SRGAP3: variants seen among roughly 807,000 people sequenced by gnomAD.
The protein encoded by SRGAP3 is SLIT-ROBO Rho GTPase activating protein 3, also known as SLIT-ROBO Rho GTPase-activating protein 3.
Under a neutral mutation model 121.1 loss-of-function variants are expected in SRGAP3, and 39 were observed. The observed-to-expected ratio is 0.32, with a 90% CI of 0.25 to 0.42. SRGAP3 has a LOEUF of 0.42. Ranked by LOEUF, SRGAP3 falls within the 10% of genes least tolerant of loss-of-function variation. SRGAP3 has a pLI of 1.00. For missense variants in SRGAP3, 1,213 were observed against 1,470.6 expected, an observed-to-expected ratio of 0.82 and a Z score of 2.86; for synonymous variants, 601 against 570.0, an observed-to-expected ratio of 1.05 and a Z score of -0.77.
chr3:9,037,351 C>T (rs1944796700), intron 11 of SRGAP3: 1 of 152,410 alleles, frequency 6.6e-6, no homozygotes, highest in Non-Finnish European at 1.5e-5. Flanking sequence ...GACAGAGCCA[C>T]TTATGGATCT....
At chr3:9,047,352 A>G (rs1409212730) in intron 10 of SRGAP3, 39 bp downstream of exon 10, 1 of 1,603,810 alleles carries the variant, frequency 6.2e-7, no homozygotes. Flanking sequence ...CCAGTGGGGA[A>G]CGCAGCACCT....
chr3:9,186,094 C>A (rs910321553), intron 1 of SRGAP3, among the ~76,000 whole-genome samples: 1 of 152,192 alleles, frequency 6.6e-6, no homozygotes, highest in African/African-American at 2.4e-5. Context: ...TAAATACTTG[C>A]TAAAGCCCTT....
intron 3 of SRGAP3, among the ~76,000 whole-genome samples, chr3:9,312,711 G>A (rs985738808): frequency 2.0e-5 from 3 of 152,196 alleles, no homozygotes; most frequent in African/African-American, 2.4e-5. Flanking sequence ...AAGGCTGGGC[G>A]CAGTGATTCA....
intron 17 of SRGAP3, among the ~76,000 whole-genome samples, chr3:9,012,418 C>A (rs1004389736): frequency 1.3e-5 from 2 of 152,138 alleles, no homozygotes; most frequent in African/African-American, 4.8e-5. Context: ...CTGTCTTCAC[C>A]ACATTTAAAG....
intron 10 of SRGAP3, 136 bp from the exon 11 acceptor site, chr3:9,038,226 G>A (rs1049308635): frequency 3.4e-5 from 42 of 1,227,872 alleles, no homozygotes; most frequent in Middle Eastern, 2.6e-4. Context: ...CCTAAGGTGC[G>A]GTCTGTTGAA....
chr3:9,090,699 C>T (rs1435401683), intron 3 of SRGAP3, among the ~76,000 whole-genome samples: 2 of 152,168 alleles, frequency 1.3e-5, no homozygotes, highest in African/African-American at 2.4e-5. Context: ...TGCAGTGGTG[C>T]AATCTCAGCT....
At chr3:9,324,888 C>T (rs7613474) in intron 3 of SRGAP3, among the ~76,000 whole-genome samples, 3,159 of 151,392 alleles carry the variant, frequency 0.021, 91 homozygotes, top group African/African-American at 0.072. Flanking sequence ...ACCCGGGAGG[C>T]GGAGCTTGCA....
chr3:8,996,937 C>T (rs1398134568), intron 18 of SRGAP3, among the ~76,000 whole-genome samples: 1 of 152,188 alleles, frequency 6.6e-6, no homozygotes, highest in East Asian at 1.9e-4. Context: ...TTTACCATCA[C>T]CAGAGCCTCC....
intron 4 of SRGAP3, among the ~76,000 whole-genome samples, chr3:9,069,815 T>C (rs1445939186): frequency 1.3e-5 from 2 of 152,106 alleles, no homozygotes; most frequent in Non-Finnish European, 2.9e-5. Context: ...GGCGTGGTGG[T>C]GGGCCCCTGT....
intron 3 of SRGAP3, among the ~76,000 whole-genome samples, chr3:9,104,440 T>A (rs1009450412): frequency 3.9e-5 from 6 of 152,088 alleles, no homozygotes; most frequent in Non-Finnish European, 8.8e-5. Flanking sequence ...CATGCAAAGG[T>A]TTTCATTTTT....
At chr3:9,361,511 G>GAAAAAT (rs2030830692) in intron 1 of SRGAP3, among the ~76,000 whole-genome samples, 1 of 152,102 alleles carries the variant, frequency 6.6e-6, no homozygotes, top group Admixed American at 6.6e-5. Flanking sequence ...TTTGTCAACT[G>GAAAAAT]AAAAATAAAA....
At chr3:9,061,283 A>C (rs753117167) in intron 5 of SRGAP3, among the ~76,000 whole-genome samples, 1 of 152,058 alleles carries the variant, frequency 6.6e-6, no homozygotes, top group Non-Finnish European at 1.5e-5. Context: ...TGATGTCTCA[A>C]ACTGCTGCTC....
chr3:9,093,544 C>T (rs1219195097), intron 3 of SRGAP3, among the ~76,000 whole-genome samples: 1 of 151,810 alleles, frequency 6.6e-6, no homozygotes, highest in Non-Finnish European at 1.5e-5. Context: ...CATCAACCCA[C>T]TCATCCACTC....
intron 4 of SRGAP3, 122 bp from the exon 5 acceptor site, chr3:9,064,703 C>G: frequency 9.3e-7 from 1 of 1,078,010 alleles, no homozygotes; most frequent in East Asian, 2.5e-5. Context: ...TCCCAAAACA[C>G]ACTCTGGGCA....
At chr3:9,332,833 C>T (rs747848976) in intron 1 of SRGAP3, among the ~76,000 whole-genome samples, 2 of 152,160 alleles carry the variant, frequency 1.3e-5, no homozygotes, top group African/African-American at 2.4e-5. Flanking sequence ...ATAATAGACT[C>T]GTGAGCAACG....
intron 1 of SRGAP3, among the ~76,000 whole-genome samples, chr3:9,187,369 T>A (rs1193820383): frequency 6.6e-6 from 1 of 152,144 alleles, no homozygotes; most frequent in African/African-American, 2.4e-5. Flanking sequence ...TCATCACTGC[T>A]GTCCAGTGAT....
chr3:9,150,353 G>C (rs1950174170), intron 1 of SRGAP3, among the ~76,000 whole-genome samples: 1 of 151,962 alleles, frequency 6.6e-6, no homozygotes, highest in Non-Finnish European at 1.5e-5. Flanking sequence ...GGTGGGAGAG[G>C]AAAAGGGAGC....
At chr3:9,118,391 G>A (rs1382993576) in intron 2 of SRGAP3, among the ~76,000 whole-genome samples, 1 of 152,158 alleles carries the variant, frequency 6.6e-6, no homozygotes, top group Non-Finnish European at 1.5e-5. Flanking sequence ...ATTTGGACAA[G>A]ACCATCCACC....
At chr3:9,162,763 T>G (rs1055352432) in intron 1 of SRGAP3, among the ~76,000 whole-genome samples, 4 of 152,224 alleles carry the variant, frequency 2.6e-5, no homozygotes. Context: ...TTAACCTCAC[T>G]GAGTCTCAGC....
Sources: gnomAD v4.1 joint callset for allele counts (sites outside exome capture counted in the v4.1 genomes callset) on GRCh38, gnomAD v4.1.1 for gene constraint, MANE v1.5 for transcripts, NCBI Gene and HGNC (gene_info 2026-07-23, HGNC 2026-07-21) for gene names.